The following ADAM9 variants were observed in gnomAD, a reference collection of about 807,000 sequenced individuals.
ADAM9 encodes disintegrin and metalloproteinase domain-containing protein 9.
ADAM9 carries 54 observed loss-of-function variants against 108.1 expected under a neutral mutation model. The observed-to-expected ratio is 0.50, with a 90% confidence interval of 0.40 to 0.63. The LOEUF (loss-of-function observed/expected upper bound fraction) is 0.63. Ranked by LOEUF, ADAM9 falls within the 20% of genes least tolerant of loss-of-function variation. The probability of loss-of-function intolerance (pLI) is 0.00; values close to 1 mark genes in which losing one functional copy is unlikely to be tolerated. For missense variants in ADAM9, 830 were observed against 997.7 expected (o/e 0.83, Z 2.26); for synonymous variants, 316 against 336.0 (o/e 0.94, Z 0.65).
At chr8:39,038,870 TC>T (rs1837367097) in intron 11 of ADAM9, among the ~76,000 whole-genome samples, 2 of 152,234 alleles carry the variant, frequency 1.3e-5, no homozygotes, top group Admixed American at 1.3e-4. Flanking sequence ...TTCTTTTGTC[TC>T]AAACCATTGA....
intron 12 of ADAM9, among the ~76,000 whole-genome samples, chr8:39,051,033 G>T (rs1194210844): frequency 6.6e-6 from 1 of 151,972 alleles, no homozygotes; most frequent in African/African-American, 2.4e-5. Context: ...TTGTAGCGTT[G>T]GATGTGTGGT....
chr8:39,050,608 TC>T (rs1837926254), intron 12 of ADAM9, among the ~76,000 whole-genome samples: 1 of 152,158 alleles, frequency 6.6e-6, no homozygotes, highest in South Asian at 2.1e-4. Context: ...GAGAAGACCT[TC>T]ACTAGTTAAC....
chr8:39,011,521 G>A (rs1836354219), intron 2 of ADAM9, 137 bp from the exon 3 acceptor site: 1 of 725,782 alleles, frequency 1.4e-6, no homozygotes, highest in Non-Finnish European at 2.3e-6. Flanking sequence ...TAGACACAAA[G>A]TTCTTCTATT....
At chr8:39,021,559 C>T in intron 7 of ADAM9, 84 bp from the exon 8 acceptor site, 1 of 1,219,912 alleles carries the variant, frequency 8.2e-7, no homozygotes, top group Non-Finnish European at 1.2e-6. Flanking sequence ...GCTAGAATTA[C>T]AGGCATGAGG....
At chr8:39,096,473 C>A (rs1391361672) in intron 20 of ADAM9, among the ~76,000 whole-genome samples, 6 of 152,114 alleles carry the variant, frequency 3.9e-5, no homozygotes, top group African/African-American at 1.4e-4. Context: ...TAACTGATGA[C>A]ACAAAATTAC....
At chr8:39,058,574 G>C (rs967720416) in intron 14 of ADAM9, among the ~76,000 whole-genome samples, 2 of 152,196 alleles carry the variant, frequency 1.3e-5, no homozygotes, top group Non-Finnish European at 2.9e-5. Flanking sequence ...CCATTTTGGA[G>C]TAGTAGGCCA....
At chr8:39,045,504 G>A (rs1588379181) in intron 12 of ADAM9, among the ~76,000 whole-genome samples, 1 of 27,490 alleles carries the variant, frequency 3.6e-5, no homozygotes, top group African/African-American at 1.2e-4. Context: ...GTATACATAT[G>A]TGTGTGTACA....
intron 18 of ADAM9, 52 bp from the exon 19 acceptor site, chr8:39,089,993 ATT>A (rs1179960949): frequency 6.4e-7 from 1 of 1,552,946 alleles, no homozygotes; most frequent in Non-Finnish European, 8.9e-7. Flanking sequence ...ATCATCTAGT[ATT>A]TTCTGCCTAG....
At chr8:39,096,786 C>T (rs887356392) in intron 20 of ADAM9, among the ~76,000 whole-genome samples, 31 of 152,112 alleles carry the variant, frequency 2.0e-4, no homozygotes, top group African/African-American at 6.8e-4. Context: ...TTTAGTGAAT[C>T]TTTCAATTTA....
intron 2 of ADAM9, among the ~76,000 whole-genome samples, chr8:39,008,927 T>G (rs1836254342): frequency 6.6e-6 from 1 of 152,362 alleles, no homozygotes; most frequent in East Asian, 1.9e-4. Context: ...AATTAAATTT[T>G]ATTATAATTT....
intron 16 of ADAM9, among the ~76,000 whole-genome samples, chr8:39,081,745 A>G (rs148119294): frequency 3.3e-5 from 5 of 152,282 alleles, no homozygotes; most frequent in African/African-American, 1.2e-4. Context: ...ATTTCGTTGT[A>G]GGTTTGTTCT....
At chr8:39,095,207 T>C (rs1365760692) in intron 20 of ADAM9, among the ~76,000 whole-genome samples, 1 of 152,166 alleles carries the variant, frequency 6.6e-6, no homozygotes, top group African/African-American at 2.4e-5. Flanking sequence ...CTCAATTAAT[T>C]CTGTTGGCCC....
chr8:39,012,701 A>G (rs1299696772), intron 3 of ADAM9, among the ~76,000 whole-genome samples: 1 of 152,172 alleles, frequency 6.6e-6, no homozygotes, highest in Non-Finnish European at 1.5e-5. Flanking sequence ...CAAGGACAAA[A>G]AACCAAACAC....
chr8:39,078,649 T>C (rs1179718336), intron 16 of ADAM9, among the ~76,000 whole-genome samples: 1 of 152,022 alleles, frequency 6.6e-6, no homozygotes, highest in Non-Finnish European at 1.5e-5. Flanking sequence ...AGTGTGGTGG[T>C]GCATGCCTGT....
At chr8:39,057,954 A>G (rs188958220) in intron 14 of ADAM9, among the ~76,000 whole-genome samples, 1 of 152,212 alleles carries the variant, frequency 6.6e-6, no homozygotes, top group East Asian at 1.9e-4. Context: ...ACCCATAGAC[A>G]CCTTAAACCA....
intron 11 of ADAM9, among the ~76,000 whole-genome samples, chr8:39,037,329 G>A (rs554989436): frequency 9.7e-5 from 14 of 144,528 alleles, no homozygotes; most frequent in South Asian, 4.4e-4. Flanking sequence ...GATTACAAGC[G>A]TAAGCCACCA....
intron 12 of ADAM9, among the ~76,000 whole-genome samples, chr8:39,045,554 GTATA>G (rs1324926089): frequency 1.2e-5 from 1 of 84,382 alleles, no homozygotes; most frequent in African/African-American, 4.6e-5. Flanking sequence ...ATGTGTGTGT[GTATA>G]TGTGTGTGTG....
chr8:39,008,186 T>A (rs554276121), intron 2 of ADAM9, among the ~76,000 whole-genome samples: 24 of 151,852 alleles, frequency 1.6e-4, no homozygotes, highest in South Asian at 4.1e-4. Flanking sequence ...TTTTTTTTTT[T>A]AAAATGGAGT....
chr8:39,057,274 GAC>G (rs1838154509), intron 14 of ADAM9, among the ~76,000 whole-genome samples: 1 of 151,348 alleles, frequency 6.6e-6, no homozygotes, highest in South Asian at 2.1e-4. Flanking sequence ...GTTGTTAAGT[GAC>G]ACATTACTGT....
Sources: allele counts gnomAD v4.1 joint callset (sites outside exome capture counted in the v4.1 genomes callset), GRCh38; gene constraint gnomAD v4.1.1; transcripts MANE v1.5; gene names NCBI Gene and HGNC (gene_info 2026-07-23, HGNC 2026-07-21).